The following ZKSCAN1 variants were observed in gnomAD, a reference collection of about 807,000 sequenced individuals.
ZKSCAN1 encodes the protein zinc finger with KRAB and SCAN domains 1.
A neutral mutation model predicts 51.6 loss-of-function variants in ZKSCAN1; 14 were observed. That is an observed-to-expected ratio of 0.27 (90% CI 0.18 to 0.42). The LOEUF (loss-of-function observed/expected upper bound fraction) is 0.42, where lower values mean the gene tolerates loss of function less well. ZKSCAN1 is among the 10% of genes least tolerant of loss of function. The pLI is 1.00. For synonymous variants in ZKSCAN1, 263 were observed against 261.5 expected, an observed-to-expected ratio of 1.01 and a Z score of -0.06; for missense variants, 531 against 710.0, an observed-to-expected ratio of 0.75 and a Z score of 2.86.
chr7:100,024,453 GTA>G, intron 3 of ZKSCAN1, 146 bp downstream of exon 3: 1 of 1,024,390 alleles, frequency 9.8e-7, no homozygotes, highest in Non-Finnish European at 1.4e-6. Flanking sequence ...AATTAGCCAG[GTA>G]TAGTGGCGCA....
At chr7:100,021,006 G>A (rs1034200967) in intron 1 of ZKSCAN1, among the ~76,000 whole-genome samples, 5 of 151,872 alleles carry the variant, frequency 3.3e-5, no homozygotes, top group African/African-American at 9.7e-5. Context: ...AACTAATCAG[G>A]TGGTGGCATT....
intron 1 of ZKSCAN1, among the ~76,000 whole-genome samples, chr7:100,021,116 C>CTTTTTTTTTTTTTTTTTT (rs60632908): frequency 1.2e-5 from 1 of 85,292 alleles, no homozygotes; most frequent in Non-Finnish European, 2.2e-5. Context: ...TTTTTTTTTC[C>CTTTTTTTTTTTTTTTTTT]TTTTTTTTTT....
rs1791250483 is a variant in ZKSCAN1, at chr7:100,034,249, C to T, written c.*52C>T. On this transcript the variant is annotated 3_prime_UTR_variant, in exon 6 of 6. Coordinates refer to ENST00000324306, the MANE Select transcript of ZKSCAN1 (RefSeq NM_003439.4). ...CCCCCTTTTGTTTCTAAAATTATTT[C>T]AGAGATGTGTGCTCCTGGAGGGAAA... 1 of 1,499,332 alleles carries T rather than the reference C, an allele frequency of 6.7e-7. No individual in the cohort carries two copies. The highest frequency in any genetic ancestry group is 1.4e-5 in the South Asian group (1 of 73,540). 92.9% of individuals were successfully genotyped at this position (1,499,332 alleles called of 1,614,324 possible). A position where few individuals can be genotyped will look rare whatever the true frequency, so the allele number is the denominator to read the frequency against.
In ZKSCAN1 at chr7:100,040,880, G is replaced by A. The variant is rs575728404; in HGVS notation, c.*6683G>A. On this transcript the variant is annotated 3_prime_UTR_variant, in exon 6 of 6. Transcript: ENST00000324306. ...AGAGATGCTTCTGCTGATCGCAGGG[G>A]TTCTTATTTGAAAACATCTATGATG... The A allele has an allele frequency of 1.7e-5, 17 of 984,952 alleles. No homozygotes were observed. Among genetic ancestry groups the A allele is most frequent in the Non-Finnish European group, 2.0e-5 (17 of 829,882 alleles). The allele number at this position is 984,952 out of a possible 1,614,324, so 61.0% of individuals were successfully genotyped here.
At position 100,039,705 on chromosome 7, in the gene ZKSCAN1, A is replaced by C. The variant is rs1791513710; in HGVS notation, c.*5508A>C. 1 of 985,264 alleles carries C rather than the reference A, an allele frequency of 1.0e-6. No individual in the cohort carries two copies. The highest frequency in any genetic ancestry group is 4.7e-5 in the South Asian group (1 of 21,286). The allele number at this position is 985,264 out of a possible 1,614,324, so 61.0% of individuals were successfully genotyped here. A position where few individuals can be genotyped will look rare whatever the true frequency, so the allele number is the denominator to read the frequency against. On this transcript the variant is annotated 3_prime_UTR_variant, in exon 6 of 6. Transcript: ENST00000324306. Reference sequence around the variant, plus strand: ...AATTGGAGTAACAGAACTGAAATACACTTAAACAGTGACAGCAGTACTTCC... The same window carrying C: ...AATTGGAGTAACAGAACTGAAATACCCTTAAACAGTGACAGCAGTACTTCC...
At chr7:100,044,942 A>G (rs1172202805), downstream of ZKSCAN1, 1 of 985,188 alleles carries the variant, frequency 1.0e-6, no homozygotes, top group East Asian at 1.1e-4. Context: ...TGGCAGCAAA[A>G]ATAGGTGATG....
In ZKSCAN1 at chr7:100,040,615, T is replaced by G. The variant is rs922499528; in HGVS notation, c.*6418T>G. The G allele has an allele frequency of 1.8e-5, 18 of 985,184 alleles. No homozygotes were observed. The Admixed American group carries it at 2.5e-4, about 13-fold the overall frequency. The allele number at this position is 985,184 out of a possible 1,614,324, so 61.0% of individuals were successfully genotyped here. On this transcript the variant is annotated 3_prime_UTR_variant, in exon 6 of 6. Coordinates refer to ENST00000324306, the MANE Select transcript of ZKSCAN1 (RefSeq NM_003439.4). ...CACAGTTGCCCTAAATCTCCATCAT[T>G]AAGTCTTCCAGCAAGGTTAAGTGCA...
chr7:100,038,975 ATGG>A lies in ZKSCAN1; in HGVS notation c.*4779_*4781del, dbSNP rs1458324314. 6.7e-6 allele frequency: 1 copy of A among 149,290 alleles called. No individual in the cohort carries two copies. The allele number at this position is 149,290 out of a possible 1,614,324, so 9.2% of individuals were successfully genotyped here. ...GCGCCACTGCACTCCAGCCTGGGTGATGGCGTGAGACTCCATGTCAAAAAAAAA... is the reference window on the plus strand; with the variant it reads ...GCGCCACTGCACTCCAGCCTGGGTGACGTGAGACTCCATGTCAAAAAAAAA... On this transcript the variant is annotated 3_prime_UTR_variant, in exon 6 of 6. Transcript: ENST00000324306.
At chr7:100,023,313 A>G (rs1012062455) in intron 1 of ZKSCAN1, 106 bp from the exon 2 acceptor site, 3 of 592,126 alleles carry the variant, frequency 5.1e-6, no homozygotes, top group Non-Finnish European at 5.6e-6. Flanking sequence ...CCCCGGCCTC[A>G]GGAGCGTTCT....
In ZKSCAN1 at chr7:100,033,462, T is replaced by C. The variant is rs528472958; in HGVS notation, c.957T>C (p.Pro319=). ...GKTGERQQKN[P]EEKTRKEKRD... ...CAGGAGAAAGACAGCAGAAAAACCC[T>C]GAGGAGAAAACCAGGAAAGAGAAAA... The change falls in exon 6 of 6, where the codon CCT becomes CCC. Residue 319 remains proline (P), a synonymous_variant. Coordinates refer to ENST00000324306, the MANE Select transcript of ZKSCAN1 (RefSeq NM_003439.4). This position sits in a 1 kb window ranked among gnomAD's most constrained non-coding sequence, Gnocchi z 4.1. The C allele has an allele frequency of 1.9e-6, 3 of 1,613,606 alleles. No homozygotes were observed. The highest frequency in any genetic ancestry group is 1.3e-5 in the African/African-American group (1 of 74,804).
At chr7:100,030,505 T>C (rs562646323) in intron 5 of ZKSCAN1, 130 bp downstream of exon 5, 47 of 1,134,408 alleles carry the variant, frequency 4.1e-5, no homozygotes, top group African/African-American at 3.6e-4. Context: ...GTAGACCAGA[T>C]GGAAAGTGAG....
At chr7:100,016,163 G>GT (rs1027150436) in intron 1 of ZKSCAN1, among the ~76,000 whole-genome samples, 1 of 152,184 alleles carries the variant, frequency 6.6e-6, no homozygotes, top group Non-Finnish European at 1.5e-5. Flanking sequence ...GGACCTCGAG[G>GT]TGAAATGAGC....
At chr7:100,022,975 AC>A (rs1790652185) in intron 1 of ZKSCAN1, among the ~76,000 whole-genome samples, 1 of 151,576 alleles carries the variant, frequency 6.6e-6, no homozygotes, top group African/African-American at 2.4e-5. Context: ...ATATGAAGTG[AC>A]AGTGGAGATT....
intron 3 of ZKSCAN1, among the ~76,000 whole-genome samples, chr7:100,029,153 A>T (rs1289852902): frequency 8.0e-6 from 1 of 124,664 alleles, no homozygotes; most frequent in Non-Finnish European, 1.7e-5. Flanking sequence ...AACAAGAGCA[A>T]AACTCTGTCT....
chr7:100,030,489 C>T (rs1282015508), intron 5 of ZKSCAN1, 114 bp downstream of exon 5: 2 of 1,266,144 alleles, frequency 1.6e-6, no homozygotes, highest in South Asian at 1.6e-5. Flanking sequence ...CTACCTATCC[C>T]CTTTTGTAGA....
chr7:100,040,534 T>G lies in ZKSCAN1; in HGVS notation c.*6337T>G. 7 of 985,422 alleles carry G rather than the reference T, an allele frequency of 7.1e-6. No individual in the cohort carries two copies. Among genetic ancestry groups the G allele is most frequent in the Non-Finnish European group, 8.4e-6 (7 of 829,936 alleles). 61.0% of individuals were successfully genotyped at this position (985,422 alleles called of 1,614,324 possible). On this transcript the variant is annotated 3_prime_UTR_variant, in exon 6 of 6. Transcript: ENST00000324306. ...TGATATTTAAAAACTTGGATTTCAT[T>G]CCAGTGTCAGGTTTGGGTTTTAAGT...
intron 1 of ZKSCAN1, among the ~76,000 whole-genome samples, chr7:100,021,099 A>G (rs1198041911): frequency 1.4e-5 from 2 of 146,034 alleles, no homozygotes; most frequent in Non-Finnish European, 3.0e-5. Context: ...AATATTTCCA[A>G]GTTTCTTTTT....
intron 1 of ZKSCAN1, among the ~76,000 whole-genome samples, chr7:100,021,738 CTTTT>C (rs34068163): frequency 7.4e-6 from 1 of 134,250 alleles, no homozygotes; most frequent in East Asian, 2.2e-4. Context: ...CTATAAGAAT[CTTTT>C]TTTTTTTTTT....
chr7:100,026,941 T>A (rs1790862258), intron 3 of ZKSCAN1, among the ~76,000 whole-genome samples: 1 of 151,920 alleles, frequency 6.6e-6, no homozygotes, highest in Admixed American at 6.6e-5. Context: ...TTTTTAAGCT[T>A]TTTTTGTTAA....
Sources: allele counts gnomAD v4.1 joint callset (sites outside exome capture counted in the v4.1 genomes callset), GRCh38; gene constraint gnomAD v4.1.1; non-coding constraint Gnocchi (gnomAD v3.1); transcripts MANE v1.5; gene names NCBI Gene and HGNC (gene_info 2026-07-23, HGNC 2026-07-21).